TIAM1: variants seen among roughly 807,000 people sequenced by gnomAD.
TIAM1 encodes the protein TIAM Rac1 associated GEF 1, also known as rho guanine nucleotide exchange factor TIAM1.
In TIAM1, 65 loss-of-function variants were observed where a neutral mutation model predicts 163.5. The observed-to-expected ratio is 0.40, with a 90% CI of 0.33 to 0.49. The LOEUF (loss-of-function observed/expected upper bound fraction) is 0.49. Among genes scored for constraint, TIAM1 ranks in the 20% least tolerant of loss-of-function variants. The pLI, the probability that TIAM1 is intolerant of heterozygous loss-of-function variation, is 0.77. For synonymous variants in TIAM1, 833 were observed against 810.1 expected, an observed-to-expected ratio of 1.03 and a Z score of -0.48; for missense variants, 1,789 against 2,044.7, an observed-to-expected ratio of 0.87 and a Z score of 2.41.
chr21:31,189,865 A>T (rs2085471401), intron 13 of TIAM1, among the ~76,000 whole-genome samples: 1 of 152,228 alleles, frequency 6.6e-6, no homozygotes, highest in South Asian at 2.1e-4. Flanking sequence ...TGAAGAACAT[A>T]ATGATTTTAA....
rs184912366 is a variant in TIAM1, at chr21:31,491,863, T to A, written c.-421-27828A>T. ...AGACAGTGCTAGATAAATCAGTACA[T>A]AAATCATCTTGTTAAAGATAAGAAT... is the stretch of plus-strand genomic sequence containing the variant. On this transcript the variant is annotated intron_variant, in intron 1 of 28. Coordinates refer to the TIAM1 transcript ENST00000286827. 4.3e-4 allele frequency among the ~76,000 whole-genome samples: 66 copies of A among 152,278 alleles called. 2 individuals are homozygous for A. Among genetic ancestry groups the A allele is most frequent in the South Asian group, 2.5e-3 (12 of 4,822 alleles).
intron 11 of TIAM1, among the ~76,000 whole-genome samples, chr21:31,207,093 C>T (rs2086486832): frequency 6.6e-6 from 1 of 152,162 alleles, no homozygotes; most frequent in Non-Finnish European, 1.5e-5. Flanking sequence ...GACACATGGT[C>T]ACATGTGAAT....
chr21:31,228,259 A>AAAAAAAAG (rs1601627154), intron 6 of TIAM1, among the ~76,000 whole-genome samples: 1 of 82,840 alleles, frequency 1.2e-5, no homozygotes, highest in Admixed American at 1.4e-4. Context: ...AAAAAAAAAA[A>AAAAAAAAG]GGAAGGAAAA....
intron 1 of TIAM1, among the ~76,000 whole-genome samples, chr21:31,471,025 A>G (rs1322154387): frequency 6.6e-6 from 1 of 152,204 alleles, no homozygotes; most frequent in African/African-American, 2.4e-5. Flanking sequence ...TCAGCCCAGC[A>G]GGTGTCGGAT....
At chr21:31,281,447 G>A (rs914742673) in intron 2 of TIAM1, among the ~76,000 whole-genome samples, 1 of 152,074 alleles carries the variant, frequency 6.6e-6, no homozygotes, top group Admixed American at 6.5e-5. Flanking sequence ...TGTTTACTAC[G>A]ATTTAGTGTC....
intron 1 of TIAM1, among the ~76,000 whole-genome samples, chr21:31,491,079 C>A (rs2046453533): frequency 6.6e-6 from 1 of 152,128 alleles, no homozygotes; most frequent in Non-Finnish European, 1.5e-5. Context: ...TGCCGTGAGC[C>A]GGGATTGCGC....
At chr21:31,126,119 C>T (rs1386805677) in intron 26 of TIAM1, among the ~76,000 whole-genome samples, 1 of 152,148 alleles carries the variant, frequency 6.6e-6, no homozygotes, top group Non-Finnish European at 1.5e-5. Flanking sequence ...ATAGTTCATG[C>T]TTGGTAAAGG....
At chr21:31,341,312 C>T (rs1374515443) in intron 1 of TIAM1, among the ~76,000 whole-genome samples, 1 of 152,196 alleles carries the variant, frequency 6.6e-6, no homozygotes, top group Non-Finnish European at 1.5e-5. Context: ...TGAGGCCACA[C>T]AGTCAAAAGG....
chr21:31,409,355 G>A (rs995746192), intron 2 of TIAM1, among the ~76,000 whole-genome samples: 35 of 152,156 alleles, frequency 2.3e-4, no homozygotes, highest in African/African-American at 7.9e-4. Flanking sequence ...TGATCCACCC[G>A]CCTCGGCCTC....
intron 4 of TIAM1, among the ~76,000 whole-genome samples, chr21:31,263,456 T>C (rs1051314581): frequency 2.0e-5 from 3 of 152,180 alleles, no homozygotes; most frequent in African/African-American, 4.8e-5. Context: ...CTCACTTCCA[T>C]ATATTCACAA....
chr21:31,223,883 C>T (rs1365282492), intron 7 of TIAM1, among the ~76,000 whole-genome samples: 2 of 152,138 alleles, frequency 1.3e-5, no homozygotes, highest in African/African-American at 2.4e-5. Flanking sequence ...AAACTCTAGA[C>T]TCCAGAAGTA....
intron 1 of TIAM1, among the ~76,000 whole-genome samples, chr21:31,496,528 A>T (rs1489898068): frequency 6.6e-6 from 1 of 152,074 alleles, no homozygotes; most frequent in Non-Finnish European, 1.5e-5. Context: ...TTATGTTTTA[A>T]ACAGGTTACA....
intron 1 of TIAM1, among the ~76,000 whole-genome samples, chr21:31,492,703 T>C (rs9981675): frequency 0.29 from 43,602 of 151,294 alleles, 7,464 homozygotes; most frequent in African/African-American, 0.48. Context: ...CTCCTGAGGC[T>C]GTGTCATGGG....
intron 2 of TIAM1, among the ~76,000 whole-genome samples, chr21:31,303,527 A>G (rs1308605288): frequency 6.6e-6 from 1 of 152,062 alleles, no homozygotes; most frequent in Non-Finnish European, 1.5e-5. Context: ...TTTTTCTTGT[A>G]ATGTTGTCAT....
intron 6 of TIAM1, among the ~76,000 whole-genome samples, chr21:31,244,408 G>A (rs531648885): frequency 2.0e-5 from 3 of 152,156 alleles, no homozygotes; most frequent in Admixed American, 6.6e-5. Flanking sequence ...TGTCCCCTCC[G>A]TTATATGTGA....
chr21:31,266,290 C>T lies in TIAM1; in HGVS notation c.683G>A (p.Arg228Lys), dbSNP rs1431650266. 1 of 1,614,232 alleles carries T rather than the reference C, an allele frequency of 6.2e-7. No homozygotes were observed. The highest frequency in any genetic ancestry group is 1.7e-5 in the Admixed American group (1 of 60,030). ...ATACAAGTCACCCAAGGAATTGGCT[C>T]TCTGACAGGTGCTGAGCTGCCGCGG... ...ASPRQLSTCQ[R>K]ANSLGDLYAQ... is the part of the protein sequence containing the mutation. Residue 228 changes from arginine (R) to lysine (K), a missense_variant, in exon 4 of 28, where the codon AGA becomes AAA. Transcript: ENST00000541036.
intron 15 of TIAM1, among the ~76,000 whole-genome samples, chr21:31,169,345 C>CA (rs954822607): frequency 7.9e-5 from 12 of 151,608 alleles, no homozygotes; most frequent in Non-Finnish European, 1.6e-4. Flanking sequence ...GAGATAATTT[C>CA]AAAAAACACC....
chr21:31,512,605 C>CG (rs2047245676), intron 1 of TIAM1, among the ~76,000 whole-genome samples: 1 of 144,532 alleles, frequency 6.9e-6, no homozygotes. Flanking sequence ...CTGTCTTTTT[C>CG]TTTTTTCTTT....
chr21:31,210,227 A>T lies in TIAM1; in HGVS notation c.2218-12T>A. On this transcript the variant is annotated splice_polypyrimidine_tract_variant and intron_variant, in intron 10 of 27. Transcript: ENST00000541036. The stretch of plus-strand genomic sequence containing the variant: ...ACTTCTTTCTCCCTCTATAACAAGA[A>T]ATAAAGTTAGCAGGGCAGCAGCAGT... 6.2e-7 allele frequency: 1 copy of T among 1,613,544 alleles called. No individual in the cohort carries two copies. Among genetic ancestry groups the T allele is most frequent in the Non-Finnish European group, 8.5e-7 (1 of 1,179,816 alleles).
Sources: gnomAD v4.1 joint callset for allele counts (sites outside exome capture counted in the v4.1 genomes callset) on GRCh38, gnomAD v4.1.1 for gene constraint, MANE v1.5 for transcripts, NCBI Gene and HGNC (gene_info 2026-07-23, HGNC 2026-07-21) for gene names.